PTPRD: variants seen among roughly 807,000 people sequenced by gnomAD.
The protein encoded by PTPRD is receptor-type tyrosine-protein phosphatase delta.
A neutral mutation model predicts 214.5 loss-of-function variants in PTPRD; 34 were observed. The observed-to-expected ratio is 0.16, with a 90% CI of 0.12 to 0.21. The LOEUF (loss-of-function observed/expected upper bound fraction) is 0.21, where lower values mean the gene tolerates loss of function less well. PTPRD is among the 10% of genes least tolerant of loss of function. The pLI is 1.00. For missense variants in PTPRD, 2,545 were observed against 2,398.7 expected, an observed-to-expected ratio of 1.06 and a Z score of -1.27; for synonymous variants, 1,128 against 845.7, an observed-to-expected ratio of 1.33 and a Z score of -5.79.
intron 5 of PTPRD, among the ~76,000 whole-genome samples, chr9:9,931,579 C>T (rs2153929423): frequency 6.6e-6 from 1 of 152,198 alleles, no homozygotes; most frequent in East Asian, 1.9e-4. Context: ...GGGTCCTATG[C>T]CCACGGAGTC....
chr9:9,691,797 G>A (rs1196613761), intron 7 of PTPRD, among the ~76,000 whole-genome samples: 1 of 151,920 alleles, frequency 6.6e-6, no homozygotes, highest in African/African-American at 2.4e-5. Context: ...GTTATTGCCT[G>A]TCTTTGGACA....
intron 8 of PTPRD, among the ~76,000 whole-genome samples, chr9:9,455,810 T>C (rs981067801): frequency 6.6e-6 from 1 of 151,796 alleles, no homozygotes; most frequent in African/African-American, 2.4e-5. Context: ...AAATAGTTTT[T>C]CATAAAGTTC....
intron 7 of PTPRD, among the ~76,000 whole-genome samples, chr9:9,600,165 AG>A (rs1055048240): frequency 3.3e-5 from 5 of 152,130 alleles, no homozygotes; most frequent in African/African-American, 1.2e-4. Flanking sequence ...GGTACAAGAA[AG>A]CATAGAAACA....
At chr9:10,196,460 G>A (rs898303132) in intron 3 of PTPRD, among the ~76,000 whole-genome samples, 5 of 152,076 alleles carry the variant, frequency 3.3e-5, no homozygotes, top group Admixed American at 6.6e-5. Context: ...CTGAACATCC[G>A]TCGAAAGACA....
intron 7 of PTPRD, among the ~76,000 whole-genome samples, chr9:9,730,930 G>A (rs1480590897): frequency 4.6e-5 from 7 of 152,186 alleles, no homozygotes; most frequent in African/African-American, 9.6e-5. Flanking sequence ...TTGTGCATAT[G>A]TTATTATTTT....
intron 8 of PTPRD, among the ~76,000 whole-genome samples, chr9:9,478,067 A>T (rs546424245): frequency 6.6e-6 from 1 of 152,294 alleles, no homozygotes; most frequent in South Asian, 2.1e-4. Flanking sequence ...GTGGTCTATG[A>T]GGTTATTTGT....
chr9:10,377,454 C>A (rs1182850611), intron 2 of PTPRD, among the ~76,000 whole-genome samples: 2 of 151,706 alleles, frequency 1.3e-5, no homozygotes, highest in Non-Finnish European at 2.9e-5. Flanking sequence ...CCCCACCCCA[C>A]AACAGGCCCC....
intron 2 of PTPRD, among the ~76,000 whole-genome samples, chr9:10,550,857 T>C (rs2061187596): frequency 6.6e-6 from 1 of 152,204 alleles, no homozygotes; most frequent in African/African-American, 2.4e-5. Context: ...TACCTCTCTT[T>C]CTAAATGTTA....
At chr9:8,707,569 A>G (rs1490851152) in intron 12 of PTPRD, among the ~76,000 whole-genome samples, 1 of 152,250 alleles carries the variant, frequency 6.6e-6, no homozygotes, top group Non-Finnish European at 1.5e-5. Context: ...AGAAAGAAGT[A>G]CAGACAAGAA....
chr9:9,024,491 T>C (rs1291197994), intron 10 of PTPRD, among the ~76,000 whole-genome samples: 2 of 151,636 alleles, frequency 1.3e-5, no homozygotes. Flanking sequence ...AATTATAATA[T>C]CTATTGCCAA....
chr9:9,785,603 C>T (rs1481633921), intron 5 of PTPRD, among the ~76,000 whole-genome samples: 1 of 151,942 alleles, frequency 6.6e-6, no homozygotes, highest in Non-Finnish European at 1.5e-5. Context: ...AGAGATTTAG[C>T]AATGGTCACA....
At chr9:8,809,256 C>T (rs1042633830) in intron 11 of PTPRD, among the ~76,000 whole-genome samples, 2 of 152,034 alleles carry the variant, frequency 1.3e-5, no homozygotes, top group Non-Finnish European at 2.9e-5. Context: ...ACAATACTAC[C>T]GTTGTATGTT....
intron 3 of PTPRD, among the ~76,000 whole-genome samples, chr9:10,312,731 A>G (rs2096301804): frequency 6.6e-6 from 1 of 151,980 alleles, no homozygotes; most frequent in African/African-American, 2.4e-5. Flanking sequence ...AAATGATGCT[A>G]AAGTAGCAAG....
intron 5 of PTPRD, among the ~76,000 whole-genome samples, chr9:9,825,453 AAG>A (rs749245448): frequency 2.0e-5 from 3 of 151,374 alleles, no homozygotes; most frequent in Non-Finnish European, 4.4e-5. Flanking sequence ...AAGAAAGAGA[AAG>A]AGAGAAAGAA....
At chr9:9,482,080 A>G (rs2095437532) in intron 8 of PTPRD, among the ~76,000 whole-genome samples, 1 of 152,094 alleles carries the variant, frequency 6.6e-6, no homozygotes, top group African/African-American at 2.4e-5. Context: ...ATCTGGCCCT[A>G]GCAGTTCCCC....
chr9:10,016,077 T>C (rs775249878), intron 4 of PTPRD, among the ~76,000 whole-genome samples: 14 of 152,284 alleles, frequency 9.2e-5, no homozygotes, highest in Admixed American at 5.9e-4. Flanking sequence ...CCTGGAAATA[T>C]ACTGGCTATC....
chr9:10,076,277 G>C (rs1484057156), intron 3 of PTPRD, among the ~76,000 whole-genome samples: 1 of 151,942 alleles, frequency 6.6e-6, no homozygotes, highest in Non-Finnish European at 1.5e-5. Context: ...TTGAACCACG[G>C]TACTCATCAT....
chr9:9,056,092 T>C (rs2099695703), intron 10 of PTPRD, among the ~76,000 whole-genome samples: 1 of 152,180 alleles, frequency 6.6e-6, no homozygotes, highest in East Asian at 1.9e-4. Context: ...GTGAACATTA[T>C]TGTTGTTTTC....
At chr9:8,504,580 T>C (rs2097498559) in intron 22 of PTPRD, among the ~76,000 whole-genome samples, 175 bp from the exon 23 acceptor site, 1 of 152,082 alleles carries the variant, frequency 6.6e-6, no homozygotes, top group African/African-American at 2.4e-5. Context: ...ATAATGAAAA[T>C]ATCAGTTTAA....
Sources: gnomAD v4.1 joint callset for allele counts (sites outside exome capture counted in the v4.1 genomes callset) on GRCh38, gnomAD v4.1.1 for gene constraint, MANE v1.5 for transcripts, NCBI Gene and HGNC (gene_info 2026-07-23, HGNC 2026-07-21) for gene names.